Variants in USP6NL observed in about 807,000 individuals in gnomAD.
USP6NL encodes the protein USP6 N-terminal-like protein.
USP6NL carries 26 observed loss-of-function variants against 61.9 expected under a neutral mutation model. The observed-to-expected ratio is 0.42, with a 90% CI of 0.31 to 0.58. The LOEUF (loss-of-function observed/expected upper bound fraction) is 0.58. Among genes scored for constraint, USP6NL ranks in the 20% least tolerant of loss-of-function variants. The pLI is 0.16. For synonymous variants in USP6NL, 432 were observed against 390.1 expected (o/e 1.11, Z -1.27); for missense variants, 1,114 against 1,034.3 (o/e 1.08, Z -1.06).
rs992816524 is a variant in USP6NL at position 11,571,703 on chromosome 10, CTT to C, written c.4+25926_4+25927del. On this transcript the variant is annotated intron_variant, in intron 2 of 14. Coordinates refer to ENST00000609104, the MANE Select transcript of USP6NL (RefSeq NM_014688.5). ...CAGTGTTTTATATTTGTCCATATGA[CTT>C]TTTTTTTCAAGGAGTCTGTCAATAT... Among the ~76,000 whole-genome samples, 31 of 148,102 alleles carry C rather than the reference CTT, an allele frequency of 2.1e-4. 1 individual carries two copies. The South Asian group carries it at 6.4e-3, about 30-fold the overall frequency.
At chr10:11,536,446 C>G (rs950987615) in intron 2 of USP6NL, among the ~76,000 whole-genome samples, 6 of 152,188 alleles carry the variant, frequency 3.9e-5, no homozygotes, top group Admixed American at 3.9e-4. Context: ...CTGCCTCCCC[C>G]ATTATCTTCA....
chr10:11,502,211 A>G (rs1015761035), intron 6 of USP6NL, among the ~76,000 whole-genome samples: 3 of 150,194 alleles, frequency 2.0e-5, no homozygotes, highest in Non-Finnish European at 3.0e-5. Context: ...GTGAGCCGAG[A>G]TTGCGCCACT....
intron 4 of USP6NL, among the ~76,000 whole-genome samples, chr10:11,521,081 T>G (rs1387209445): frequency 6.6e-6 from 1 of 152,208 alleles, no homozygotes; most frequent in Admixed American, 6.5e-5. Flanking sequence ...GGAGTTTATG[T>G]GCCTATAACC....
intron 4 of USP6NL, among the ~76,000 whole-genome samples, chr10:11,524,638 T>C (rs1286731969): frequency 6.6e-6 from 1 of 152,186 alleles, no homozygotes; most frequent in Non-Finnish European, 1.5e-5. Flanking sequence ...CCTTCAAAAT[T>C]TAATCATGTA....
At position 11,462,890 on chromosome 10, in the gene USP6NL, A is replaced by T; in HGVS notation, c.2038T>A (p.Ser680Thr). ...PHGSTLSVSASPEKSYSRPSP... is the reference protein window; with the variant it reads ...PHGSTLSVSATPEKSYSRPSP... ...GGGCGGCTGTAAGATTTCTCCGGAGAAGCACTGACGGAAAGAGTAGAACCA... is the reference window on the plus strand; with the variant it reads ...GGGCGGCTGTAAGATTTCTCCGGAGTAGCACTGACGGAAAGAGTAGAACCA... The change falls in exon 15 of 15, where the codon TCT becomes ACT. Residue 680 changes from serine to threonine, a missense_variant. By Grantham distance (58) the Ser-to-Thr change is moderately conservative. Coordinates refer to ENST00000609104, the MANE Select transcript of USP6NL (RefSeq NM_014688.5). 2.5e-6 allele frequency: 4 copies of T among 1,613,648 alleles called. No homozygotes were observed. The highest frequency in any genetic ancestry group is 3.4e-6 in the Non-Finnish European group (4 of 1,179,772).
chr10:11,483,742 A>G (rs1229007606), intron 13 of USP6NL, among the ~76,000 whole-genome samples: 2 of 150,630 alleles, frequency 1.3e-5, no homozygotes, highest in Non-Finnish European at 3.0e-5. Context: ...GAAGGAAAAG[A>G]GATTTCACGA....
chr10:11,542,488 G>A (rs1279670231), intron 2 of USP6NL, among the ~76,000 whole-genome samples: 6 of 152,148 alleles, frequency 3.9e-5, no homozygotes, highest in African/African-American at 7.2e-5. Context: ...GGAGGCCGAG[G>A]CAGGTAGATC....
intron 14 of USP6NL, among the ~76,000 whole-genome samples, chr10:11,479,582 T>G (rs1422888070): frequency 1.4e-5 from 2 of 139,744 alleles, no homozygotes; most frequent in African/African-American, 2.7e-5. Flanking sequence ...TTTTTTTTGG[T>G]TTTTTTTTTT....
rs1190819331 is a variant in USP6NL at position 11,555,471 on chromosome 10, A to AAGAGAGAGAG, written c.5-27914_5-27905dup. On this transcript the variant is annotated intron_variant, in intron 2 of 14. Coordinates refer to ENST00000609104, the MANE Select transcript of USP6NL (RefSeq NM_014688.5). ...ATATATAGAGAGAGAGAGAGAGAGA[A>AAGAGAGAGAG]AGAGAGAGAGAGAGAGAGAGAGAAG... Among the ~76,000 whole-genome samples, 115 of 62,122 alleles carry AAGAGAGAGAG rather than the reference A, an allele frequency of 1.9e-3. 3 individuals carry two copies. Among genetic ancestry groups the AAGAGAGAGAG allele is most frequent in the African/African-American group, 6.6e-3 (93 of 13,994 alleles). 40.8% of individuals were successfully genotyped at this position (62,122 alleles called of 152,430 possible).
Position 11,538,279 on chromosome 10 carries a change from A to G in USP6NL, c.5-10712T>C, listed in dbSNP as rs34879970. Among the ~76,000 whole-genome samples the G allele has an allele frequency of 7.4e-3, 1,127 of 152,272 alleles. 3 individuals carry two copies. Among genetic ancestry groups the G allele is most frequent in the South Asian group, 0.012 (57 of 4,822 alleles). ...AAATTTAATCAAAACTAGAATTGTA[A>G]GCTGCTTAGATATGCTCCACCTTAC... On this transcript the variant is annotated intron_variant, in intron 2 of 14. Transcript: ENST00000609104.
At chr10:11,521,906 A>G (rs1485940556) in intron 4 of USP6NL, among the ~76,000 whole-genome samples, 1 of 152,214 alleles carries the variant, frequency 6.6e-6, no homozygotes, top group Admixed American at 6.5e-5. Flanking sequence ...TCATTATCCA[A>G]ATACCAAACA....
At chr10:11,586,871 G>A (rs568581826) in intron 2 of USP6NL, among the ~76,000 whole-genome samples, 22 of 152,150 alleles carry the variant, frequency 1.4e-4, no homozygotes, top group African/African-American at 3.4e-4. Context: ...TGTCAGTCTC[G>A]ATCTCTCAAT....
chr10:11,504,448 G>A (rs1197090543), intron 6 of USP6NL, among the ~76,000 whole-genome samples: 6 of 152,164 alleles, frequency 3.9e-5, no homozygotes, highest in African/African-American at 1.2e-4. Context: ...CACTTAAAAT[G>A]TAAGTAAAAC....
chr10:11,515,389 A>C (rs1190354692), intron 5 of USP6NL, among the ~76,000 whole-genome samples: 2 of 152,194 alleles, frequency 1.3e-5, no homozygotes, highest in Non-Finnish European at 2.9e-5. Context: ...GCTCTATTTG[A>C]ACATTACTGC....
rs879478482 is a variant in USP6NL at position 11,465,198 on chromosome 10, T to C, written c.1079-1349A>G. The stretch of plus-strand genomic sequence containing the variant: ...CCTTTAGTCCTCACTGTCTGACAGT[T>C]TTCTAAGGGCAGAACCCAGTAATCT... On this transcript the variant is annotated intron_variant, in intron 14 of 14. Coordinates refer to ENST00000609104, the MANE Select transcript of USP6NL (RefSeq NM_014688.5). This position sits in a 1 kb window ranked among gnomAD's most constrained non-coding sequence, Gnocchi z 4.5. Among the ~76,000 whole-genome samples, 7 of 152,190 alleles carry C rather than the reference T, an allele frequency of 4.6e-5. No individual in the cohort carries two copies. The highest frequency in any genetic ancestry group is 4.6e-4 in the Admixed American group (7 of 15,280).
chr10:11,601,583 A>G (rs1177623408), intron 1 of USP6NL, among the ~76,000 whole-genome samples: 1 of 152,244 alleles, frequency 6.6e-6, no homozygotes, highest in Admixed American at 6.5e-5. Flanking sequence ...AACTTTTCCA[A>G]TGAAATGCAG....
chr10:11,575,923 A>G lies in USP6NL; in HGVS notation c.4+21708T>C, dbSNP rs566995308. Among the ~76,000 whole-genome samples the G allele has an allele frequency of 2.4e-4, 36 of 152,320 alleles. No individual in the cohort carries two copies. Among genetic ancestry groups the G allele is most frequent in the African/African-American group, 8.4e-4 (35 of 41,570 alleles). ...AAAAGGGTGAGGGGAAATACGGGACATTTTGGGAGAAGAGGTGAAATTTGA... is the reference window on the plus strand; with the variant it reads ...AAAAGGGTGAGGGGAAATACGGGACGTTTTGGGAGAAGAGGTGAAATTTGA... On this transcript the variant is annotated intron_variant, in intron 2 of 14. Transcript: ENST00000609104. The surrounding 1 kb of genome is among the most constrained non-coding windows in gnomAD (Gnocchi z 4.2).
Position 11,525,796 on chromosome 10 carries a change from A to C in USP6NL, c.73-328T>G, listed in dbSNP as rs1169932886. 6.6e-6 allele frequency among the ~76,000 whole-genome samples: 1 copy of C among 152,216 alleles called. No homozygotes were observed. Among genetic ancestry groups the C allele is most frequent in the East Asian group, 1.9e-4 (1 of 5,200 alleles). On this transcript the variant is annotated intron_variant, in intron 3 of 14. Coordinates refer to ENST00000609104, the MANE Select transcript of USP6NL (RefSeq NM_014688.5). This position sits in a 1 kb window ranked among gnomAD's most constrained non-coding sequence, Gnocchi z 5.0. ...GGGGATGAGAAAGCCACTCCAGAAGAAACTGCCGAACCTTACAGTTCTAGA... is the reference window on the plus strand; with the variant it reads ...GGGGATGAGAAAGCCACTCCAGAAGCAACTGCCGAACCTTACAGTTCTAGA...
chr10:11,479,046 AGT>A (rs1258501276), intron 14 of USP6NL, among the ~76,000 whole-genome samples: 1 of 152,214 alleles, frequency 6.6e-6, no homozygotes, highest in East Asian at 1.9e-4. Context: ...CATAACAAAA[AGT>A]AAATTCTAGA....
Sources: gnomAD v4.1 joint callset for allele counts (sites outside exome capture counted in the v4.1 genomes callset) on GRCh38, gnomAD v4.1.1 for gene constraint, Gnocchi (gnomAD v3.1) non-coding constraint, MANE v1.5 for transcripts, NCBI Gene and HGNC (gene_info 2026-07-23, HGNC 2026-07-21) for gene names.